NIPBL: variants seen among roughly 807,000 people sequenced by gnomAD.
NIPBL encodes the protein NIPBL cohesin loading factor, also known as nipped-B-like protein.
In NIPBL, 19 loss-of-function variants were observed where a neutral mutation model predicts 321.8. That is an observed-to-expected ratio of 0.06 (90% CI 0.04 to 0.09). NIPBL has a LOEUF of 0.09. NIPBL is among the 10% of genes least tolerant of loss of function. The pLI is 1.00. For synonymous variants in NIPBL, 1,106 were observed against 1,114.1 expected, an observed-to-expected ratio of 0.99 and a Z score of 0.14; for missense variants, 2,210 against 3,327.0, an observed-to-expected ratio of 0.66 and a Z score of 8.26.
At chr5:37,030,334 T>A (rs1012411837) in intron 32 of NIPBL, among the ~76,000 whole-genome samples, 1 of 152,158 alleles carries the variant, frequency 6.6e-6, no homozygotes, top group Non-Finnish European at 1.5e-5. Flanking sequence ...TGTGATATAT[T>A]TCCTTATACT....
chr5:36,980,510 A>G (rs1039023693), intron 9 of NIPBL, among the ~76,000 whole-genome samples: 16 of 151,574 alleles, frequency 1.1e-4, no homozygotes, highest in African/African-American at 3.9e-4. Flanking sequence ...AATATTGTAT[A>G]TTTACTCTAC....
intron 34 of NIPBL, among the ~76,000 whole-genome samples, chr5:37,041,491 C>T (rs6875748): frequency 0.43 from 65,752 of 151,292 alleles, 16,316 homozygotes; most frequent in Non-Finnish European, 0.56. Context: ...TCTTGAACTC[C>T]AGACCTTATT....
intron 25 of NIPBL, among the ~76,000 whole-genome samples, chr5:37,020,201 T>TA (rs1027602308): frequency 6.6e-6 from 1 of 152,244 alleles, no homozygotes; most frequent in Non-Finnish European, 1.5e-5. Context: ...TAGTATTCTA[T>TA]ATTTAATACA....
chr5:36,977,286 A>G (rs1743582041), intron 9 of NIPBL, among the ~76,000 whole-genome samples: 1 of 151,958 alleles, frequency 6.6e-6, no homozygotes, highest in African/African-American at 2.4e-5. Context: ...TTCAGTTCTT[A>G]TATTTTATTT....
At chr5:36,892,794 G>C (rs921577905) in intron 1 of NIPBL, among the ~76,000 whole-genome samples, 1 of 151,940 alleles carries the variant, frequency 6.6e-6, no homozygotes, top group African/African-American at 2.4e-5. Flanking sequence ...GTTGTGGGGT[G>C]GGGGGAGTGG....
chr5:36,897,439 A>G (rs534450524), intron 1 of NIPBL, among the ~76,000 whole-genome samples: 11 of 152,268 alleles, frequency 7.2e-5, no homozygotes, highest in Admixed American at 4.6e-4. Flanking sequence ...TCTTCTTTCT[A>G]GGGACAGTTT....
chr5:36,900,834 A>G (rs75053397), intron 1 of NIPBL, among the ~76,000 whole-genome samples: 5 of 152,266 alleles, frequency 3.3e-5, no homozygotes, highest in African/African-American at 1.2e-4. Flanking sequence ...CAGGGGACCT[A>G]GTAAGTTCCT....
At chr5:37,008,351 A>G (rs565519215) in intron 19 of NIPBL, among the ~76,000 whole-genome samples, 14 of 152,242 alleles carry the variant, frequency 9.2e-5, no homozygotes, top group African/African-American at 3.4e-4. Context: ...TAATTCCTTG[A>G]TATTTATAAT....
At chr5:37,038,947 A>C (rs1351103395) in intron 34 of NIPBL, among the ~76,000 whole-genome samples, 1 of 152,188 alleles carries the variant, frequency 6.6e-6, no homozygotes, top group East Asian at 1.9e-4. Context: ...TCCTCAAGCC[A>C]AACCCTCAGT....
At chr5:36,999,394 C>T (rs1343720922) in intron 11 of NIPBL, among the ~76,000 whole-genome samples, 4 of 152,186 alleles carry the variant, frequency 2.6e-5, no homozygotes, top group African/African-American at 7.2e-5. Flanking sequence ...CACTTCTCTG[C>T]CCTGGTTTTA....
Position 36,888,976 on chromosome 5 carries a change from T to C in NIPBL, c.-80+11798T>C, listed in dbSNP as rs115438716. Among the ~76,000 whole-genome samples, 1,240 of 152,252 alleles carry C rather than the reference T, an allele frequency of 8.1e-3. 23 individuals are homozygous for C. Among genetic ancestry groups the C allele is most frequent in the African/African-American group, 0.028 (1,177 of 41,562 alleles). ...ATGAATAGAATCAATCTAAAGGCAG[T>C]TTACAAAGGCTGAAGGGAGACCCAG... is the stretch of plus-strand genomic sequence containing the variant. On this transcript the variant is annotated intron_variant, in intron 1 of 46. Transcript: ENST00000282516.
At chr5:36,909,590 A>G (rs1043016507) in intron 1 of NIPBL, among the ~76,000 whole-genome samples, 8 of 152,196 alleles carry the variant, frequency 5.3e-5, no homozygotes, top group African/African-American at 1.9e-4. Context: ...ATTATTGGTA[A>G]TCACAAAAAT....
chr5:37,037,371 G>A (rs916765403), intron 33 of NIPBL, among the ~76,000 whole-genome samples: 3 of 148,554 alleles, frequency 2.0e-5, no homozygotes, highest in African/African-American at 4.9e-5. Context: ...CTGGGTGACA[G>A]AGGGAGACTC....
At chr5:37,038,077 ACTC>A in intron 33 of NIPBL, among the ~76,000 whole-genome samples, 1 of 148,774 alleles carries the variant, frequency 6.7e-6, no homozygotes, top group Admixed American at 6.8e-5. Context: ...GCAGCCTAGA[ACTC>A]CTGGGCTGAA....
intron 1 of NIPBL, among the ~76,000 whole-genome samples, chr5:36,915,440 T>C (rs1450970314): frequency 6.6e-6 from 1 of 152,138 alleles, no homozygotes; most frequent in Non-Finnish European, 1.5e-5. Context: ...TTCTTTTTAT[T>C]GAATTAGGTA....
intron 1 of NIPBL, among the ~76,000 whole-genome samples, chr5:36,888,914 CTA>C (rs1746116494): frequency 6.6e-6 from 1 of 152,020 alleles, no homozygotes; most frequent in Non-Finnish European, 1.5e-5. Flanking sequence ...GTAATATGTG[CTA>C]TATTTTGCTC....
chr5:37,002,031 A>G (rs1444827015), intron 14 of NIPBL, among the ~76,000 whole-genome samples: 1 of 152,144 alleles, frequency 6.6e-6, no homozygotes, highest in Non-Finnish European at 1.5e-5. Context: ...GGCACTCTCA[A>G]AATAGGATAA....
At chr5:37,033,959 A>T (rs1046242184) in intron 32 of NIPBL, among the ~76,000 whole-genome samples, 8 of 151,814 alleles carry the variant, frequency 5.3e-5, no homozygotes, top group Non-Finnish European at 1.2e-4. Context: ...GTGAAAATAC[A>T]AGTCACAAAA....
chr5:36,889,469 A>G (rs1323066502), intron 1 of NIPBL, among the ~76,000 whole-genome samples: 3 of 151,966 alleles, frequency 2.0e-5, no homozygotes, highest in Admixed American at 6.6e-5. Flanking sequence ...CAGTTCTTCA[A>G]TCTTTCCAAT....
Sources: gnomAD v4.1 joint callset for allele counts (sites outside exome capture counted in the v4.1 genomes callset) on GRCh38, gnomAD v4.1.1 for gene constraint, MANE v1.5 for transcripts, NCBI Gene and HGNC (gene_info 2026-07-23, HGNC 2026-07-21) for gene names.